The following PIEZO2 variants were observed in gnomAD, a reference collection of about 807,000 sequenced individuals.
PIEZO2 encodes the protein piezo-type mechanosensitive ion channel component 2.
Under a neutral mutation model 337.3 loss-of-function variants are expected in PIEZO2, and 172 were observed. That is an observed-to-expected ratio of 0.51 (90% CI 0.45 to 0.58). The LOEUF (loss-of-function observed/expected upper bound fraction) is 0.58. Among genes scored for constraint, PIEZO2 ranks in the 20% least tolerant of loss-of-function variants. The pLI is 0.00. For synonymous variants in PIEZO2, 1,251 were observed against 1,228.5 expected (o/e 1.02, Z -0.38); for missense variants, 3,028 against 3,391.3 (o/e 0.89, Z 2.66).
intron 2 of PIEZO2, among the ~76,000 whole-genome samples, chr18:11,013,066 A>C (rs1360182233): frequency 6.6e-6 from 1 of 152,162 alleles, no homozygotes; most frequent in Non-Finnish European, 1.5e-5. Flanking sequence ...ATTTATTCTA[A>C]AATTTTCACA....
At chr18:10,937,640 A>G (rs1013799929) in intron 3 of PIEZO2, among the ~76,000 whole-genome samples, 1 of 152,176 alleles carries the variant, frequency 6.6e-6, no homozygotes, top group African/African-American at 2.4e-5. Context: ...CTGGATTCCC[A>G]CAAAATTGGA....
At chr18:11,015,803 A>G (rs574055169) in intron 2 of PIEZO2, among the ~76,000 whole-genome samples, 1 of 152,234 alleles carries the variant, frequency 6.6e-6, no homozygotes, top group Non-Finnish European at 1.5e-5. Flanking sequence ...CTTATGGAAA[A>G]CAATAAACAC....
rs1371846854 is a variant in PIEZO2, at chr18:10,824,297, T to C, written c.918-17023A>G. 2.0e-5 allele frequency among the ~76,000 whole-genome samples: 3 copies of C among 152,192 alleles called. No homozygotes were observed. On this transcript the variant is annotated intron_variant, in intron 7 of 55. Coordinates refer to ENST00000674853, the MANE Select transcript of PIEZO2 (RefSeq NM_001378183.1). The surrounding 1 kb of genome is among the most constrained non-coding windows in gnomAD (Gnocchi z 4.4). ...TAAAATAAAGGCAACAAGAAGGTGA[T>C]ATAAAGGCCTTCAAGACCTTAATAT...
Position 10,726,417 on chromosome 18 carries a change from G to T in PIEZO2, c.5029+4990C>A. On this transcript the variant is annotated intron_variant, in intron 36 of 55. Transcript: ENST00000674853. This position sits in a 1 kb window ranked among gnomAD's most constrained non-coding sequence, Gnocchi z 5.9. ...CAACGCGCGCCAGCCGTGGCACAACGCGGAGGGCCGGCTGCGGTACGGGCT... is the reference window on the plus strand; with the variant it reads ...CAACGCGCGCCAGCCGTGGCACAACTCGGAGGGCCGGCTGCGGTACGGGCT... 1 of 1,529,614 alleles carries T rather than the reference G, an allele frequency of 6.5e-7. No individual in the cohort carries two copies. The highest frequency in any genetic ancestry group is 8.7e-7 in the Non-Finnish European group (1 of 1,144,894). The allele number at this position is 1,529,614 out of a possible 1,614,324, so 94.8% of individuals were successfully genotyped here.
At chr18:11,017,307 T>C (rs1300372990) in intron 2 of PIEZO2, among the ~76,000 whole-genome samples, 1 of 152,142 alleles carries the variant, frequency 6.6e-6, no homozygotes, top group Non-Finnish European at 1.5e-5. Flanking sequence ...AACTTAAGCA[T>C]TAAGAAGAGA....
At chr18:10,691,121 T>G in intron 48 of PIEZO2, 104 bp downstream of exon 48, 1 of 1,300,064 alleles carries the variant, frequency 7.7e-7, no homozygotes, top group Non-Finnish European at 1.1e-6. Context: ...CGATTCCCAC[T>G]GCTGAATTCA....
rs2036467404 is a variant in PIEZO2, at chr18:10,724,895, G to A, written c.5029+6512C>T. 1 of 1,609,456 alleles carries A rather than the reference G, an allele frequency of 6.2e-7. No individual in the cohort carries two copies. Among genetic ancestry groups the A allele is most frequent in the Admixed American group, 1.7e-5 (1 of 59,812 alleles). ...TCTGTAAATAGTACTGGCCGGCGGG[G>A]GCGTGGCACCCTGGGACAGCCTCCA... On this transcript the variant is annotated intron_variant, in intron 36 of 55. Transcript: ENST00000674853. This position sits in a 1 kb window ranked among gnomAD's most constrained non-coding sequence, Gnocchi z 5.8.
chr18:10,682,067 G>T lies in PIEZO2; in HGVS notation c.7686+37C>A. 6.6e-7 allele frequency: 1 copy of T among 1,504,148 alleles called. No homozygotes were observed. The highest frequency in any genetic ancestry group is 1.3e-5 in the South Asian group (1 of 79,782). The allele number at this position is 1,504,148 out of a possible 1,614,324, so 93.2% of individuals were successfully genotyped here. ...CTATCATAAAGGAATGTGGCGTGGG[G>T]CAAGGCTCTGGTAGGTGGGGTGTGC... On this transcript the variant is annotated intron_variant, in intron 50 of 55. Transcript: ENST00000674853. The surrounding 1 kb of genome is among the most constrained non-coding windows in gnomAD (Gnocchi z 5.6).
intron 47 of PIEZO2, 98 bp downstream of exon 47, chr18:10,695,976 G>T: frequency 8.4e-7 from 1 of 1,193,302 alleles, no homozygotes; most frequent in Non-Finnish European, 1.2e-6. Context: ...GGCTCTGCCT[G>T]TGGCCAGCAG....
chr18:10,696,147 C>T lies in PIEZO2; in HGVS notation c.7117G>A (p.Val2373Ile), dbSNP rs942158761. Reference protein sequence around the residue: ...LYLRKTVLGKVIFQVILVFGI... With the variant: ...LYLRKTVLGKIIFQVILVFGI... ...AACACAAGAATGACCTGGAAGATGA[C>T]CTTTCCCAGTACAGTCTTCCTGAGG... The change falls in exon 47 of 56, where the codon GTC becomes ATC. Residue 2373 changes from valine (V) to isoleucine (I), a missense_variant. By Grantham distance (29) the Val-to-Ile change is conservative (BLOSUM62 3). Transcript: ENST00000674853. The T allele has an allele frequency of 6.2e-7, 1 of 1,614,064 alleles. No individual in the cohort carries two copies. The highest frequency in any genetic ancestry group is 8.5e-7 in the Non-Finnish European group (1 of 1,180,010).
At chr18:10,951,353 T>G (rs1752623061) in intron 3 of PIEZO2, among the ~76,000 whole-genome samples, 1 of 152,226 alleles carries the variant, frequency 6.6e-6, no homozygotes, top group South Asian at 2.1e-4. Context: ...CCAAATGAAA[T>G]CTGACGATTA....
Position 10,784,670 on chromosome 18 carries a change from A to G in PIEZO2, c.2492+114T>C. ...TCTCACAAGCTGATACTCATGGAAA[A>G]TTCAAGGCTGAAACTTTTAGATTAC... On this transcript the variant is annotated intron_variant, in intron 17 of 55. Transcript: ENST00000674853. The surrounding 1 kb of genome is among the most constrained non-coding windows in gnomAD (Gnocchi z 4.5). 9.4e-7 allele frequency: 1 copy of G among 1,063,522 alleles called. No homozygotes were observed. The highest frequency in any genetic ancestry group is 2.0e-5 in the South Asian group (1 of 50,310). The allele number at this position is 1,063,522 out of a possible 1,614,324, so 65.9% of individuals were successfully genotyped here.
At chr18:10,809,469 C>T (rs1423841250) in intron 7 of PIEZO2, among the ~76,000 whole-genome samples, 1 of 151,710 alleles carries the variant, frequency 6.6e-6, no homozygotes, top group Non-Finnish European at 1.5e-5. Context: ...GGGATTTAAC[C>T]ATGTTGGCCA....
rs149930100 is a variant in PIEZO2 at position 10,948,291 on chromosome 18, T to C, written c.286+31244A>G. 7.1e-3 allele frequency among the ~76,000 whole-genome samples: 1,088 copies of C among 152,324 alleles called. 6 individuals are homozygous for C. The highest frequency in any genetic ancestry group is 0.011 in the Non-Finnish European group (726 of 68,030). ...CATGTATGTGATTGAACTATCTTTA[T>C]ATTCTGACCAACAGCTCTTTATTTA... On this transcript the variant is annotated intron_variant, in intron 3 of 55. Transcript: ENST00000674853.
Position 10,750,392 on chromosome 18 carries a change from A to T in PIEZO2, c.4168-205T>A, listed in dbSNP as rs1255716144. ...CTGGGAAAAATTAAACCTAACGAGG[A>T]AAGGAAAGGTCTTTCATGTAATGTT... On this transcript the variant is annotated intron_variant, in intron 28 of 55. Coordinates refer to ENST00000674853, the MANE Select transcript of PIEZO2 (RefSeq NM_001378183.1). This position sits in a 1 kb window ranked among gnomAD's most constrained non-coding sequence, Gnocchi z 4.1. 6.6e-6 allele frequency among the ~76,000 whole-genome samples: 1 copy of T among 152,228 alleles called. No individual in the cohort carries two copies. The highest frequency in any genetic ancestry group is 1.9e-4 in the East Asian group (1 of 5,200).
intron 30 of PIEZO2, among the ~76,000 whole-genome samples, chr18:10,744,942 G>A (rs1251126755): frequency 3.3e-5 from 5 of 152,240 alleles, no homozygotes; most frequent in Non-Finnish European, 5.9e-5. Context: ...ACCTGCTTGG[G>A]CAGATGGTTC....
chr18:10,886,598 C>T (rs2042615345), intron 4 of PIEZO2, among the ~76,000 whole-genome samples: 1 of 140,456 alleles, frequency 7.1e-6, no homozygotes, highest in South Asian at 2.2e-4. Flanking sequence ...TTAACAATAA[C>T]TAATAATAAA....
In PIEZO2 at chr18:10,952,364, G is replaced by A. The variant is rs1428448095; in HGVS notation, c.286+27171C>T. Among the ~76,000 whole-genome samples the A allele has an allele frequency of 6.7e-6, 1 of 149,864 alleles. No homozygotes were observed. The highest frequency in any genetic ancestry group is 1.5e-5 in the Non-Finnish European group (1 of 67,920). On this transcript the variant is annotated intron_variant, in intron 3 of 55. Transcript: ENST00000674853. The surrounding 1 kb of genome is among the most constrained non-coding windows in gnomAD (Gnocchi z 4.1). ...TCCATCAGCCCACCAAATTCTCCATGGTCATTGTAGTCAGCCACTCCCCTG... is the reference window on the plus strand; with the variant it reads ...TCCATCAGCCCACCAAATTCTCCATAGTCATTGTAGTCAGCCACTCCCCTG...
At chr18:10,780,263 A>T (rs1326824690) in intron 18 of PIEZO2, 62 bp downstream of exon 18, 15 of 701,650 alleles carry the variant, frequency 2.1e-5, no homozygotes, top group Middle Eastern at 4.6e-4. Context: ...AGCAGTTAAG[A>T]GTTTAACACA....
Sources: allele counts gnomAD v4.1 joint callset (sites outside exome capture counted in the v4.1 genomes callset), GRCh38; gene constraint gnomAD v4.1.1; non-coding constraint Gnocchi (gnomAD v3.1); transcripts MANE v1.5; gene names NCBI Gene and HGNC (gene_info 2026-07-23, HGNC 2026-07-21).